Variants in EML1 observed in about 807,000 individuals in gnomAD.
EML1 encodes EMAP like 1, also known as echinoderm microtubule-associated protein-like 1.
A neutral mutation model predicts 110.4 loss-of-function variants in EML1; 27 were observed. The observed-to-expected ratio is 0.24, with a 90% CI of 0.18 to 0.34. The LOEUF (loss-of-function observed/expected upper bound fraction) is 0.34. Among genes scored for constraint, EML1 ranks in the 10% least tolerant of loss-of-function variants. EML1 has a pLI of 1.00. For missense variants in EML1, 741 were observed against 1,030.9 expected, an observed-to-expected ratio of 0.72 and a Z score of 3.85; for synonymous variants, 344 against 385.8, an observed-to-expected ratio of 0.89 and a Z score of 1.27.
Position 99,793,487 on chromosome 14 carries a change from G to T in EML1, c.11G>T (p.Gly4Val). 9.5e-7 allele frequency: 1 copy of T among 1,053,994 alleles called. No homozygotes were observed. The allele number at this position is 1,053,994 out of a possible 1,614,324, so 65.3% of individuals were successfully genotyped here. A position where few individuals can be genotyped will look rare whatever the true frequency, so the allele number is the denominator to read the frequency against. The part of the protein sequence containing the change: MED[G>V]FSSYSSLYDT... ...CCCGGCGGCCTCAGCATGGAGGACG[G>T]CTTCTCCAGCTACAGCAGCCTGTAC... Residue 4 changes from glycine (G) to valine (V), a missense_variant, in exon 1 of 22, where the codon GGC becomes GTC. This residue lies in a region of EML1 where 226 missense variants were observed against 255.6 expected (regional missense o/e 0.88). Coordinates refer to ENST00000262233, the MANE Select transcript of EML1 (RefSeq NM_004434.3).
At chr14:99,937,985 G>A (rs1239660655) in intron 20 of EML1, 73 bp downstream of exon 20, 37 of 1,447,648 alleles carry the variant, frequency 2.6e-5, no homozygotes, top group Admixed American at 3.4e-5. Context: ...CAGTTGCTAC[G>A]GAGTCTCATG....
chr14:99,901,067 GTCT>G, intron 9 of EML1, 28 bp downstream of exon 9: 1 of 1,577,346 alleles, frequency 6.3e-7, no homozygotes, highest in Non-Finnish European at 8.7e-7. Flanking sequence ...GGATATTGCT[GTCT>G]TCTTCCACAG....
intron 1 of EML1, among the ~76,000 whole-genome samples, chr14:99,824,693 A>G (rs1014941161): frequency 4.6e-5 from 7 of 152,022 alleles, no homozygotes; most frequent in African/African-American, 1.7e-4. Flanking sequence ...TGGTGAACCT[A>G]TCGCTGGAAT....
chr14:99,878,028 T>A (rs188441862), intron 3 of EML1, among the ~76,000 whole-genome samples: 1 of 152,230 alleles, frequency 6.6e-6, no homozygotes, highest in East Asian at 1.9e-4. Flanking sequence ...TTTGTCAACT[T>A]TCTTAATACT....
Position 99,909,398 on chromosome 14 carries a change from C to T in EML1, c.1158C>T (p.Ile386=). Residue 386 remains isoleucine (I), a synonymous_variant, in exon 11 of 22, where the codon ATC becomes ATT. Transcript: ENST00000262233. ...ATTTCCACCCCACGGACACCAACAT[C>T]ATAGTTACTTGTGGAAAATCACATC... ...AADFHPTDTN[I]IVTCGKSHLY... 6.2e-7 allele frequency: 1 copy of T among 1,614,178 alleles called. No individual in the cohort carries two copies. Among genetic ancestry groups the T allele is most frequent in the Non-Finnish European group, 8.5e-7 (1 of 1,180,030 alleles).
At chr14:99,793,983 G>C (rs1359964849) in intron 1 of EML1, among the ~76,000 whole-genome samples, 1 of 152,180 alleles carries the variant, frequency 6.6e-6, no homozygotes, top group Non-Finnish European at 1.5e-5. Flanking sequence ...AAACCCTCCT[G>C]CGAGGATGCA....
intron 9 of EML1, 41 bp from the exon 10 acceptor site, chr14:99,907,597 A>G: frequency 6.4e-7 from 1 of 1,562,598 alleles, no homozygotes; most frequent in Non-Finnish European, 8.8e-7. Flanking sequence ...AACCCACTTT[A>G]TTCTCAGATA....
chr14:99,912,172 C>T (rs967674178), intron 13 of EML1, among the ~76,000 whole-genome samples: 6 of 152,128 alleles, frequency 3.9e-5, no homozygotes, highest in South Asian at 2.1e-4. Flanking sequence ...TGAGCCACCA[C>T]GCCCAGCCTC....
At chr14:99,760,083 CAAAAAAAAAAAA>C (rs61619098) in intron 1 of EML1, among the ~76,000 whole-genome samples, 116 of 47,150 alleles carry the variant, frequency 2.5e-3, no homozygotes, top group African/African-American at 0.011. Flanking sequence ...GACTCCCTCT[CAAAAAAAAAAAA>C]AAAAAAAAAA....
At chr14:99,900,180 T>A (rs2059737943) in intron 8 of EML1, among the ~76,000 whole-genome samples, 1 of 123,254 alleles carries the variant, frequency 8.1e-6, no homozygotes, top group East Asian at 2.4e-4. Context: ...AATATTAAGC[T>A]CTTTTTTTTT....
intron 1 of EML1, among the ~76,000 whole-genome samples, chr14:99,802,111 C>T (rs1360088014): frequency 6.6e-6 from 1 of 152,124 alleles, no homozygotes; most frequent in Non-Finnish European, 1.5e-5. Context: ...TTCTAGTCTG[C>T]TCACTGCAGG....
At chr14:99,763,903 G>A (rs74083920) in intron 1 of EML1, among the ~76,000 whole-genome samples, 5,897 of 152,232 alleles carry the variant, frequency 0.039, 329 homozygotes, top group African/African-American at 0.13. Context: ...GCCGGGGCCT[G>A]CAGGAAATTT....
chr14:99,878,479 C>A lies in EML1; in HGVS notation c.384-6C>A. The A allele has an allele frequency of 6.2e-7, 1 of 1,608,686 alleles. No individual in the cohort carries two copies. The highest frequency in any genetic ancestry group is 2.2e-5 in the East Asian group (1 of 44,820). Reference sequence around the variant, plus strand: ...GAGTTCACTGTCACTTCCATTCCACCCTTAGTAACATCAAGAGGACCAGCT... The same window carrying A: ...GAGTTCACTGTCACTTCCATTCCACACTTAGTAACATCAAGAGGACCAGCT... On this transcript the variant is annotated splice_polypyrimidine_tract_variant and splice_region_variant and intron_variant, in intron 3 of 21. Coordinates refer to ENST00000262233, the MANE Select transcript of EML1 (RefSeq NM_004434.3).
chr14:99,754,839 T>G (rs2057228758), intron 1 of EML1, among the ~76,000 whole-genome samples: 1 of 152,118 alleles, frequency 6.6e-6, no homozygotes, highest in Non-Finnish European at 1.5e-5. Context: ...CTGTGAAGCT[T>G]GGCCTGAGAG....
chr14:99,804,090 C>G (rs1421628769), intron 1 of EML1, among the ~76,000 whole-genome samples: 2 of 152,254 alleles, frequency 1.3e-5, no homozygotes, highest in African/African-American at 4.8e-5. Flanking sequence ...ATTGCCCACA[C>G]TCCACTGCTC....
At chr14:99,890,202 A>G (rs1272704161) in intron 4 of EML1, among the ~76,000 whole-genome samples, 1 of 152,162 alleles carries the variant, frequency 6.6e-6, no homozygotes, top group Non-Finnish European at 1.5e-5. Flanking sequence ...TTATGGGTTC[A>G]CTATGGTGAA....
In EML1 at chr14:99,806,316, CTTT is replaced by C. The variant is rs1198890041; in HGVS notation, c.67+12795_67+12797del. On this transcript the variant is annotated intron_variant, in intron 1 of 21. Transcript: ENST00000262233. ...AGTTTTGGTATCCGATCTCCAGAATCTTTTTTTTTTTTTTTTTTTTTTTTGAGA... is the reference window on the plus strand; with the variant it reads ...AGTTTTGGTATCCGATCTCCAGAATCTTTTTTTTTTTTTTTTTTTTTGAGA... 8.3e-4 allele frequency among the ~76,000 whole-genome samples: 73 copies of C among 87,772 alleles called. 1 individual carries two copies. The highest frequency in any genetic ancestry group is 2.4e-3 in the African/African-American group (50 of 20,636). 57.6% of individuals were successfully genotyped at this position (87,772 alleles called of 152,430 possible). A position where few individuals can be genotyped will look rare whatever the true frequency, so the allele number is the denominator to read the frequency against.
chr14:99,905,853 C>G lies in EML1; in HGVS notation c.1009-1785C>G. Among the ~76,000 whole-genome samples the G allele has an allele frequency of 6.6e-6, 1 of 152,114 alleles. No homozygotes were observed. Among genetic ancestry groups the G allele is most frequent in the South Asian group, 2.1e-4 (1 of 4,824 alleles). On this transcript the variant is annotated intron_variant, in intron 9 of 21. Coordinates refer to ENST00000262233, the MANE Select transcript of EML1 (RefSeq NM_004434.3). The surrounding 1 kb of genome is among the most constrained non-coding windows in gnomAD (Gnocchi z 4.1). ...GTCCTTGCCTTTTATTAAGAGGGGCCTTTAACCCACTCTGTCTTAGGAGAG... is the reference window on the plus strand; with the variant it reads ...GTCCTTGCCTTTTATTAAGAGGGGCGTTTAACCCACTCTGTCTTAGGAGAG...
intron 5 of EML1, 104 bp downstream of exon 5, chr14:99,891,331 A>G: frequency 2.0e-6 from 3 of 1,464,994 alleles, no homozygotes; most frequent in Non-Finnish European, 2.8e-6. Context: ...TTGGACACAC[A>G]GGAGCTTTGG....
Sources: allele counts gnomAD v4.1 joint callset (sites outside exome capture counted in the v4.1 genomes callset), GRCh38; gene constraint gnomAD v4.1.1; regional missense constraint gnomAD v4.1.1; non-coding constraint Gnocchi (gnomAD v3.1); transcripts MANE v1.5; gene names NCBI Gene and HGNC (gene_info 2026-07-23, HGNC 2026-07-21).